The following MELK variants were observed in gnomAD, a reference collection of about 807,000 sequenced individuals.
MELK encodes the protein maternal embryonic leucine zipper kinase.
MELK carries 81 observed loss-of-function variants against 85.0 expected under a neutral mutation model. The observed-to-expected ratio is 0.95, with a 90% CI of 0.80 to 1.15. The LOEUF (loss-of-function observed/expected upper bound fraction) is 1.15. Ranked by LOEUF, MELK falls within the 50% of genes most tolerant of loss-of-function variation. MELK has a pLI of 0.00. For missense variants in MELK, 754 were observed against 777.5 expected (o/e 0.97, Z 0.36); for synonymous variants, 252 against 265.0 (o/e 0.95, Z 0.48).
chr9:36,615,137 A>G (rs1209230424), intron 8 of MELK, among the ~76,000 whole-genome samples: 5 of 125,392 alleles, frequency 4.0e-5, no homozygotes, highest in Non-Finnish European at 8.3e-5. Context: ...ACTTCCCAGT[A>G]GGGGCGGCCG....
At chr9:36,581,555 A>C (rs921757625) in intron 1 of MELK, 89 bp from the exon 2 acceptor site, 5 of 709,724 alleles carry the variant, frequency 7.0e-6, no homozygotes, top group Admixed American at 5.2e-5. Flanking sequence ...ATGTAAATGC[A>C]TAAGACTTAT....
intron 11 of MELK, among the ~76,000 whole-genome samples, chr9:36,648,216 G>A (rs898834189): frequency 5.9e-5 from 9 of 152,076 alleles, no homozygotes; most frequent in African/African-American, 2.2e-4. Context: ...AGAATAAAAG[G>A]GGAGACAAAG....
At chr9:36,638,435 G>A (rs1255111687) in intron 10 of MELK, among the ~76,000 whole-genome samples, 8 of 151,924 alleles carry the variant, frequency 5.3e-5, no homozygotes, top group Non-Finnish European at 1.0e-4. Context: ...ACAGGCATGC[G>A]CCACCACGCC....
At chr9:36,636,782 T>TTCTTTCTTTCTGTCTG (rs71494635) in intron 10 of MELK, among the ~76,000 whole-genome samples, 4,556 of 107,048 alleles carry the variant, frequency 0.043, 162 homozygotes, top group Non-Finnish European at 0.053. Flanking sequence ...CTTTCTTTCT[T>TTCTTTCTTTCTGTCTG]TCTGTCTGTC....
chr9:36,652,253 G>A (rs1286305100), intron 12 of MELK, among the ~76,000 whole-genome samples: 2 of 150,636 alleles, frequency 1.3e-5, no homozygotes, highest in Non-Finnish European at 3.0e-5. Flanking sequence ...TGCCATGTTG[G>A]CCAGGCTGGT....
chr9:36,662,451 C>G (rs1298342354), intron 13 of MELK, among the ~76,000 whole-genome samples: 1 of 152,046 alleles, frequency 6.6e-6, no homozygotes. Flanking sequence ...ACCATGTTGG[C>G]CAGGCTGGTC....
intron 8 of MELK, among the ~76,000 whole-genome samples, chr9:36,617,590 G>A (rs1023548685): frequency 7.2e-5 from 11 of 152,136 alleles, no homozygotes; most frequent in Non-Finnish European, 1.5e-4. Context: ...AAAATGTTGG[G>A]ATTATAGGCA....
rs140032326 is a variant in MELK at position 36,630,714 on chromosome 9, C to T, written c.735+347C>T. Among the ~76,000 whole-genome samples the T allele has an allele frequency of 6.2e-4, 94 of 152,314 alleles. 1 individual carries two copies. The highest frequency in any genetic ancestry group is 2.2e-3 in the African/African-American group (93 of 41,568). On this transcript the variant is annotated intron_variant, in intron 9 of 17. Coordinates refer to ENST00000298048, the MANE Select transcript of MELK (RefSeq NM_014791.4). ...AGACCCTCAGGTTGGAGTGCAGTGG[C>T]GTGATCTTGGCTCACTGCAACCTTC... is the stretch of plus-strand genomic sequence containing the variant.
intron 1 of MELK, among the ~76,000 whole-genome samples, chr9:36,580,751 C>G (rs1392927348): frequency 1.4e-5 from 2 of 140,558 alleles, no homozygotes; most frequent in Non-Finnish European, 3.1e-5. Context: ...TTTTTTGAGA[C>G]AAAGTCTGGC....
chr9:36,606,528 A>AT, intron 7 of MELK, among the ~76,000 whole-genome samples: 1 of 126,660 alleles, frequency 7.9e-6, no homozygotes, highest in African/African-American at 2.9e-5. Flanking sequence ...GTGTGTATAT[A>AT]ATATATAATA....
intron 1 of MELK, among the ~76,000 whole-genome samples, chr9:36,580,445 A>C (rs1345354518): frequency 1.3e-5 from 2 of 151,634 alleles, no homozygotes; most frequent in Non-Finnish European, 2.9e-5. Context: ...TCACCCTCCC[A>C]AGTAGCTGGG....
intron 7 of MELK, among the ~76,000 whole-genome samples, chr9:36,605,351 G>A (rs909561312): frequency 2.0e-5 from 3 of 152,068 alleles, no homozygotes; most frequent in Non-Finnish European, 4.4e-5. Flanking sequence ...TGGTATCACA[G>A]GTGTCCACTA....
chr9:36,627,081 C>T (rs891461299), intron 8 of MELK, among the ~76,000 whole-genome samples: 1 of 151,614 alleles, frequency 6.6e-6, no homozygotes, highest in Non-Finnish European at 1.5e-5. Context: ...CACACACACA[C>T]ACACACACGC....
At chr9:36,669,759 C>G (rs1216457594) in intron 15 of MELK, among the ~76,000 whole-genome samples, 1 of 152,102 alleles carries the variant, frequency 6.6e-6, no homozygotes, top group Non-Finnish European at 1.5e-5. Flanking sequence ...CCTCCCAAAT[C>G]GTAAAGATAC....
chr9:36,586,189 A>G (rs1822881294), intron 3 of MELK, among the ~76,000 whole-genome samples: 1 of 151,994 alleles, frequency 6.6e-6, no homozygotes, highest in Non-Finnish European at 1.5e-5. Context: ...AAAAATACAA[A>G]AAATTTCGCT....
chr9:36,599,355 C>T (rs374278757), intron 6 of MELK, 39 bp from the exon 7 acceptor site: 39 of 1,048,462 alleles, frequency 3.7e-5, no homozygotes, highest in African/African-American at 1.9e-4. Flanking sequence ...TTCTCTTAAG[C>T]GTTGTAATTA....
intron 7 of MELK, among the ~76,000 whole-genome samples, chr9:36,603,787 A>G (rs1293362655): frequency 6.6e-6 from 1 of 152,062 alleles, no homozygotes; most frequent in African/African-American, 2.4e-5. Flanking sequence ...TAGTTAATTT[A>G]TTCTCATATT....
At chr9:36,618,735 G>A (rs1268189867) in intron 8 of MELK, among the ~76,000 whole-genome samples, 2 of 152,098 alleles carry the variant, frequency 1.3e-5, no homozygotes, top group Admixed American at 1.3e-4. Context: ...ACTATAATCT[G>A]TAAATCCATG....
intron 4 of MELK, among the ~76,000 whole-genome samples, chr9:36,592,699 T>A (rs1823755650): frequency 6.6e-6 from 1 of 152,204 alleles, no homozygotes; most frequent in Non-Finnish European, 1.5e-5. Context: ...ATTTTAGACA[T>A]TTTTATTTCT....
Sources: allele counts gnomAD v4.1 joint callset (sites outside exome capture counted in the v4.1 genomes callset), GRCh38; gene constraint gnomAD v4.1.1; transcripts MANE v1.5; gene names NCBI Gene and HGNC (gene_info 2026-07-23, HGNC 2026-07-21).